SMC6: variants seen among roughly 807,000 people sequenced by gnomAD.
SMC6 encodes structural maintenance of chromosomes protein 6.
In SMC6, 79 loss-of-function variants were observed where a neutral mutation model predicts 142.2. The ratio of observed to expected loss-of-function variants is 0.56; its 90% CI spans 0.46 to 0.67. The LOEUF is 0.67. Ranked by LOEUF, SMC6 falls within the 30% of genes least tolerant of loss-of-function variation. The pLI is 0.00. For missense variants in SMC6, 1,072 were observed against 1,284.0 expected (o/e 0.83, Z 2.52); for synonymous variants, 411 against 412.4 (o/e 1.00, Z 0.04).
intron 25 of SMC6, among the ~76,000 whole-genome samples, chr2:17,670,887 G>A (rs963324921): frequency 1.3e-5 from 2 of 152,030 alleles, no homozygotes; most frequent in African/African-American, 4.8e-5. Context: ...CTGAAACAGG[G>A]TCTCGCTCTG....
At chr2:17,677,453 C>T (rs147369135) in intron 25 of SMC6, among the ~76,000 whole-genome samples, 3 of 152,190 alleles carry the variant, frequency 2.0e-5, no homozygotes, top group African/African-American at 7.2e-5. Context: ...TCTTGTCAGC[C>T]CTCCTACTAC....
chr2:17,721,495 CA>C (rs1399756076), intron 9 of SMC6, among the ~76,000 whole-genome samples: 2 of 152,004 alleles, frequency 1.3e-5, no homozygotes, highest in East Asian at 3.8e-4. Flanking sequence ...AGATGAAGAG[CA>C]AAGGAATTAA....
At chr2:17,707,608 T>C (rs1668613819) in intron 17 of SMC6, among the ~76,000 whole-genome samples, 1 of 152,134 alleles carries the variant, frequency 6.6e-6, no homozygotes, top group Non-Finnish European at 1.5e-5. Context: ...CAATGCTTCA[T>C]GACAAATTGG....
At position 17,664,481 on chromosome 2, in the gene SMC6, CT is replaced by C. The variant is rs1353852857; in HGVS notation, c.*1017del. On this transcript the variant is annotated 3_prime_UTR_variant, in exon 28 of 28. Transcript: ENST00000448223. The stretch of plus-strand genomic sequence containing the variant: ...TTTATTGCTACTAATGTAAGGAATG[CT>C]TCTTGATATCCAATACATTCTTAAA... 6.6e-6 allele frequency: 1 copy of C among 152,096 alleles called. No homozygotes were observed. The highest frequency in any genetic ancestry group is 1.5e-5 in the Non-Finnish European group (1 of 68,026). 9.4% of individuals were successfully genotyped at this position (152,096 alleles called of 1,614,324 possible).
intron 7 of SMC6, 108 bp downstream of exon 7, chr2:17,730,970 G>A (rs1320625995): frequency 2.5e-6 from 2 of 792,732 alleles, no homozygotes; most frequent in Non-Finnish European, 4.3e-6. Context: ...GCTTCCTGTG[G>A]TCAGTTTACT....
At chr2:17,676,018 CAA>C (rs1192450323) in intron 25 of SMC6, among the ~76,000 whole-genome samples, 1 of 152,146 alleles carries the variant, frequency 6.6e-6, no homozygotes, top group Admixed American at 6.5e-5. Context: ...CCTCATATCT[CAA>C]ACTCTGTTCA....
chr2:17,666,167 T>C (rs1666486884), intron 27 of SMC6, among the ~76,000 whole-genome samples: 1 of 152,240 alleles, frequency 6.6e-6, no homozygotes, highest in Non-Finnish European at 1.5e-5. Flanking sequence ...TAGTTTGTCA[T>C]GATAACTACA....
At chr2:17,682,169 A>G (rs1042960116) in intron 24 of SMC6, among the ~76,000 whole-genome samples, 3 of 152,156 alleles carry the variant, frequency 2.0e-5, no homozygotes, top group Non-Finnish European at 2.9e-5. Flanking sequence ...TCCACATCTA[A>G]TTCTAGTTCT....
chr2:17,676,746 A>T (rs760703045), intron 25 of SMC6, among the ~76,000 whole-genome samples: 35 of 152,164 alleles, frequency 2.3e-4, no homozygotes, highest in Admixed American at 3.3e-4. Context: ...AGTAGTTTTC[A>T]GTGTACAGGT....
chr2:17,747,796 G>C (rs1228518650), intron 2 of SMC6, among the ~76,000 whole-genome samples: 1 of 152,066 alleles, frequency 6.6e-6, no homozygotes, highest in Non-Finnish European at 1.5e-5. Flanking sequence ...GAGTCATCAC[G>C]GCTGGCCAAA....
At chr2:17,705,402 C>G (rs1668458555) in intron 18 of SMC6, among the ~76,000 whole-genome samples, 1 of 151,940 alleles carries the variant, frequency 6.6e-6, no homozygotes, top group South Asian at 2.1e-4. Context: ...TATGGTGAAA[C>G]CCTGTCTCCA....
chr2:17,719,317 C>T (rs1669256140), intron 11 of SMC6, among the ~76,000 whole-genome samples: 1 of 152,156 alleles, frequency 6.6e-6, no homozygotes, highest in African/African-American at 2.4e-5. Context: ...GACACTGTTT[C>T]TTCAGAAACC....
intron 23 of SMC6, among the ~76,000 whole-genome samples, chr2:17,687,007 G>A (rs568404889): frequency 6.6e-6 from 1 of 152,126 alleles, no homozygotes; most frequent in Non-Finnish European, 1.5e-5. Flanking sequence ...CTATCTCCAA[G>A]ATATCTCATC....
At chr2:17,702,030 G>A in intron 19 of SMC6, 121 bp from the exon 20 acceptor site, 2 of 599,942 alleles carry the variant, frequency 3.3e-6, no homozygotes. Context: ...CATAATTAAT[G>A]AAAGGGGTAC....
chr2:17,723,702 T>C (rs1365778284), intron 9 of SMC6, among the ~76,000 whole-genome samples: 2 of 152,198 alleles, frequency 1.3e-5, no homozygotes, highest in Non-Finnish European at 2.9e-5. Flanking sequence ...TTATTTACCA[T>C]CTATGTTTTC....
chr2:17,750,989 G>C lies in SMC6; in HGVS notation c.-6+1989C>G, dbSNP rs115405032. Among the ~76,000 whole-genome samples the C allele has an allele frequency of 7.4e-3, 788 of 105,840 alleles. 9 individuals carry two copies. The highest frequency in any genetic ancestry group is 0.028 in the African/African-American group (761 of 27,088). 69.4% of individuals were successfully genotyped at this position (105,840 alleles called of 152,430 possible). On this transcript the variant is annotated intron_variant, in intron 2 of 27. Transcript: ENST00000448223. Reference sequence around the variant, plus strand: ...CACTGCCCTCCAGCCTGGACAACAAGAGTGAACAGCTGTCTCAAAAAAAAA... The same window carrying C: ...CACTGCCCTCCAGCCTGGACAACAACAGTGAACAGCTGTCTCAAAAAAAAA...
chr2:17,718,189 T>C lies in SMC6; in HGVS notation c.980A>G (p.Asp327Gly). The C allele has an allele frequency of 1.2e-6, 2 of 1,607,348 alleles. No individual in the cohort carries two copies. The highest frequency in any genetic ancestry group is 1.7e-6 in the Non-Finnish European group (2 of 1,176,312). Residue 327 changes from aspartate (D) to glycine (G), a missense_variant, in exon 12 of 28, where the codon GAT becomes GGT. Asp to Gly is a moderately conservative substitution (Grantham distance 94). Coordinates refer to ENST00000448223, the MANE Select transcript of SMC6 (RefSeq NM_001142286.2). ...RLNEAEQKYK[D>G]IQDKLEKISE... Reference sequence around the variant, plus strand: ...AATCTTTTCTAGTTTGTCTTGAATATCCTTGTACTTTTGTTCTGCCTCATT... The same window carrying C: ...AATCTTTTCTAGTTTGTCTTGAATACCCTTGTACTTTTGTTCTGCCTCATT...
intron 21 of SMC6, 102 bp downstream of exon 21, chr2:17,700,106 A>T (rs1011421480): frequency 1.4e-6 from 1 of 700,092 alleles, no homozygotes; most frequent in Non-Finnish European, 2.2e-6. Flanking sequence ...TATGCTATTT[A>T]CATTTAACCA....
intron 26 of SMC6, 91 bp downstream of exon 26, chr2:17,670,332 G>A (rs111574360): frequency 7.7e-7 from 1 of 1,303,154 alleles, no homozygotes; most frequent in South Asian, 1.4e-5. Flanking sequence ...TTCCTGTTAG[G>A]GGTAAAACTA....
Sources: gnomAD v4.1 joint callset for allele counts (sites outside exome capture counted in the v4.1 genomes callset) on GRCh38, gnomAD v4.1.1 for gene constraint, MANE v1.5 for transcripts, NCBI Gene and HGNC (gene_info 2026-07-23, HGNC 2026-07-21) for gene names.